Variants in DCUN1D4 observed in about 807,000 individuals in gnomAD.
The protein encoded by DCUN1D4 is DCN1-like protein 4.
DCUN1D4 carries 22 observed loss-of-function variants against 47.9 expected under a neutral mutation model. The ratio of observed to expected loss-of-function variants is 0.46; its 90% CI spans 0.33 to 0.66. The LOEUF is 0.66. DCUN1D4 is among the 30% of genes least tolerant of loss of function. DCUN1D4 has a pLI of 0.02. For synonymous variants in DCUN1D4, 121 were observed against 112.2 expected, an observed-to-expected ratio of 1.08 and a Z score of -0.50; for missense variants, 301 against 340.8, an observed-to-expected ratio of 0.88 and a Z score of 0.92.
chr4:51,896,490 G>A (rs1294371481), intron 7 of DCUN1D4, among the ~76,000 whole-genome samples: 1 of 151,876 alleles, frequency 6.6e-6, no homozygotes, highest in Non-Finnish European at 1.5e-5. Flanking sequence ...CCCTCTTTCC[G>A]GTGAAGAACA....
chr4:51,895,023 C>T (rs1393926083), intron 7 of DCUN1D4, among the ~76,000 whole-genome samples: 4 of 152,086 alleles, frequency 2.6e-5, no homozygotes, highest in Non-Finnish European at 5.9e-5. Flanking sequence ...AAGGGGCAAA[C>T]AAGCGCCCTT....
intron 1 of DCUN1D4, among the ~76,000 whole-genome samples, chr4:51,862,397 G>A (rs887386391): frequency 8.5e-5 from 13 of 152,308 alleles, no homozygotes; most frequent in East Asian, 1.9e-4. Flanking sequence ...GCAGCACAGA[G>A]GATCCAGCCC....
chr4:51,848,285 G>T (rs1181807078), intron 1 of DCUN1D4: 1 of 1,289,112 alleles, frequency 7.8e-7, no homozygotes, highest in Non-Finnish European at 1.0e-6. Flanking sequence ...GGAACAGAAG[G>T]AGTGTTTGTG....
At chr4:51,873,145 T>A (rs1727168277) in intron 3 of DCUN1D4, among the ~76,000 whole-genome samples, 2 of 152,192 alleles carry the variant, frequency 1.3e-5, no homozygotes, top group Non-Finnish European at 1.5e-5. Flanking sequence ...CTTCACGCTC[T>A]CCTGTCCTCA....
At chr4:51,859,106 G>A (rs757786386) in intron 1 of DCUN1D4, among the ~76,000 whole-genome samples, 35 of 152,264 alleles carry the variant, frequency 2.3e-4, no homozygotes, top group Non-Finnish European at 4.6e-4. Flanking sequence ...TCTTTTTGGG[G>A]TGGAGAACTG....
intron 7 of DCUN1D4, among the ~76,000 whole-genome samples, chr4:51,893,820 AG>A (rs1730822171): frequency 1.3e-5 from 2 of 152,210 alleles, no homozygotes; most frequent in African/African-American, 4.8e-5. Context: ...CCTTCAGACG[AG>A]GCACCATCAA....
intron 8 of DCUN1D4, chr4:51,905,291 G>T: frequency 2.3e-6 from 1 of 442,746 alleles, no homozygotes; most frequent in Non-Finnish European, 4.6e-6. Flanking sequence ...AGGGGCAGCA[G>T]CAGGGCCCGC....
At chr4:51,885,616 G>A (rs1318487787) in intron 5 of DCUN1D4, among the ~76,000 whole-genome samples, 1 of 152,194 alleles carries the variant, frequency 6.6e-6, no homozygotes, top group Non-Finnish European at 1.5e-5. Flanking sequence ...TCAAAAGTAA[G>A]GGGAAAGTGT....
intron 3 of DCUN1D4, among the ~76,000 whole-genome samples, chr4:51,873,913 A>C (rs1279353442): frequency 6.6e-6 from 1 of 152,206 alleles, no homozygotes; most frequent in Non-Finnish European, 1.5e-5. Context: ...TGTTTCATGA[A>C]GTGTGTACAT....
chr4:51,910,876 A>G, intron 8 of DCUN1D4, 194 bp from the exon 9 acceptor site: 2 of 577,064 alleles, frequency 3.5e-6, no homozygotes, highest in Non-Finnish European at 6.1e-6. Context: ...AATTTATATA[A>G]TATCGTAATG....
At chr4:51,910,207 C>G (rs1733518646) in intron 8 of DCUN1D4, among the ~76,000 whole-genome samples, 1 of 152,140 alleles carries the variant, frequency 6.6e-6, no homozygotes. Context: ...GTCCCAGGCC[C>G]TCTATTCCTT....
intron 7 of DCUN1D4, 31 bp downstream of exon 7, chr4:51,891,882 C>CT (rs1730484251): frequency 6.5e-7 from 1 of 1,537,696 alleles, no homozygotes; most frequent in South Asian, 1.2e-5. Flanking sequence ...GTGGGGGTCC[C>CT]TGCCCTTCCC....
At chr4:51,834,965 C>A in the DCUN1D4 span, among the ~76,000 whole-genome samples, 1 of 152,152 alleles carries the variant, frequency 6.6e-6, no homozygotes, top group South Asian at 2.1e-4. Flanking sequence ...AGGCCCATAC[C>A]CTGATATTGG....
chr4:51,837,678 A>G, the DCUN1D4 span, among the ~76,000 whole-genome samples: 2 of 150,510 alleles, frequency 1.3e-5, 1 homozygote, highest in East Asian at 3.9e-4. Flanking sequence ...AAAAAAAAAA[A>G]AAAAAAAGAA....
chr4:51,886,917 CT>C (rs1729573822), intron 6 of DCUN1D4: 1 of 432,700 alleles, frequency 2.3e-6, no homozygotes, highest in South Asian at 2.1e-5. Flanking sequence ...CCACATGTGC[CT>C]ACAATGACGG....
intron 1 of DCUN1D4, chr4:51,844,348 G>C: frequency 2.0e-6 from 2 of 984,964 alleles, no homozygotes; most frequent in Non-Finnish European, 2.4e-6. Flanking sequence ...GACGGGGTAA[G>C]TGCCCTAAGG....
chr4:51,843,331 C>T, intron 1 of DCUN1D4, 64 bp downstream of exon 1: 1 of 1,476,522 alleles, frequency 6.8e-7, no homozygotes. Context: ...CCACTCGGCT[C>T]CCGCAGTCCC....
intron 8 of DCUN1D4, among the ~76,000 whole-genome samples, chr4:51,908,449 T>G (rs1427949229): frequency 1.3e-5 from 2 of 152,148 alleles, no homozygotes; most frequent in Non-Finnish European, 2.9e-5. Flanking sequence ...AATTCTGACC[T>G]TGGGATCCAG....
upstream of DCUN1D4, among the ~76,000 whole-genome samples, chr4:51,841,934 T>G (rs2109763432): frequency 7.0e-6 from 1 of 143,474 alleles, no homozygotes; most frequent in East Asian, 2.2e-4. Context: ...TGTAGGTGTG[T>G]TGTTGTTGGA....
Sources: allele counts gnomAD v4.1 joint callset (sites outside exome capture counted in the v4.1 genomes callset), GRCh38; gene constraint gnomAD v4.1.1; transcripts MANE v1.5; gene names NCBI Gene and HGNC (gene_info 2026-07-23, HGNC 2026-07-21).